Variants in TOP1 observed in about 807,000 individuals in gnomAD.
TOP1 encodes the protein DNA topoisomerase I.
In TOP1, 10 loss-of-function variants were observed where a neutral mutation model predicts 111.1. The ratio of observed to expected loss-of-function variants is 0.09; its 90% CI spans 0.06 to 0.15. The LOEUF (loss-of-function observed/expected upper bound fraction) is 0.15. Among genes scored for constraint, TOP1 ranks in the 10% least tolerant of loss-of-function variants. TOP1 has a pLI of 1.00. For synonymous variants in TOP1, 271 were observed against 302.9 expected, an observed-to-expected ratio of 0.89 and a Z score of 1.10; for missense variants, 474 against 926.7, an observed-to-expected ratio of 0.51 and a Z score of 6.34.
rs1466922165 is a variant in TOP1 at position 41,084,444 on chromosome 20, C to T, written c.508-18C>T. On this transcript the variant is annotated intron_variant, in intron 7 of 20. Coordinates refer to ENST00000361337, the MANE Select transcript of TOP1 (RefSeq NM_003286.4). ...ATCAGTCTTTATTTAAGTGCTTTCT[C>T]ACCATGTTTCTTTGTAGGATGGTAA... 2 of 1,475,998 alleles carry T rather than the reference C, an allele frequency of 1.4e-6. No individual in the cohort carries two copies. The highest frequency in any genetic ancestry group is 1.8e-6 in the Non-Finnish European group (2 of 1,088,332). The allele number at this position is 1,475,998 out of a possible 1,614,324, so 91.4% of individuals were successfully genotyped here.
intron 3 of TOP1, 106 bp from the exon 4 acceptor site, chr20:41,076,065 T>C: frequency 1.7e-6 from 2 of 1,188,516 alleles, no homozygotes; most frequent in Non-Finnish European, 2.4e-6. Flanking sequence ...ACTGTTTGTT[T>C]AAGTACTGTA....
Position 41,118,139 on chromosome 20 carries a change from C to A in TOP1, c.1823-30C>A, listed in dbSNP as rs780722876. The stretch of plus-strand genomic sequence containing the variant: ...GTTCACTTTTGGTGTACAAACTGAC[C>A]CTCTTGCTACCATGTTCCTTTCTTT... On this transcript the variant is annotated intron_variant, in intron 17 of 20. Transcript: ENST00000361337. The surrounding 1 kb of genome is among the most constrained non-coding windows in gnomAD (Gnocchi z 4.6). The A allele has an allele frequency of 6.2e-7, 1 of 1,605,926 alleles. No individual in the cohort carries two copies. Among genetic ancestry groups the A allele is most frequent in the East Asian group, 2.2e-5 (1 of 44,694 alleles).
chr20:41,105,708 G>C (rs1313813499), intron 13 of TOP1, among the ~76,000 whole-genome samples: 1 of 152,160 alleles, frequency 6.6e-6, no homozygotes, highest in Non-Finnish European at 1.5e-5. Context: ...ATGTTGGCCA[G>C]GCTGGTCTTG....
Position 41,101,060 on chromosome 20 carries a change from A to ACTTACCCTCAT in TOP1, c.1164-149_1164-148insCTTACCCTCAT. 1.4e-6 allele frequency: 1 copy of ACTTACCCTCAT among 703,762 alleles called. No individual in the cohort carries two copies. Among genetic ancestry groups the ACTTACCCTCAT allele is most frequent in the Non-Finnish European group, 2.4e-6 (1 of 424,912 alleles). 43.6% of individuals were successfully genotyped at this position (703,762 alleles called of 1,614,324 possible). Reference sequence around the variant, plus strand: ...GGATGACAGTTGGCTGAGGGTAAGTAAAACCATGCATAAGGTGGGACTACT... The same window carrying ACTTACCCTCAT: ...GGATGACAGTTGGCTGAGGGTAAGTACTTACCCTCATAAACCATGCATAAGGTGGGACTACT... On this transcript the variant is annotated intron_variant, in intron 12 of 20. Coordinates refer to ENST00000361337, the MANE Select transcript of TOP1 (RefSeq NM_003286.4). This position sits in a 1 kb window ranked among gnomAD's most constrained non-coding sequence, Gnocchi z 4.1.
At chr20:41,051,006 GATAA>G (rs1239374494) in intron 2 of TOP1, among the ~76,000 whole-genome samples, 2 of 152,126 alleles carry the variant, frequency 1.3e-5, no homozygotes, top group African/African-American at 2.4e-5. Flanking sequence ...ATAATGAGGT[GATAA>G]ATATTTTCTT....
chr20:41,092,784 A>T lies in TOP1; in HGVS notation c.730+197A>T, dbSNP rs550516011. Among the ~76,000 whole-genome samples, 6 of 152,298 alleles carry T rather than the reference A, an allele frequency of 3.9e-5. No individual in the cohort carries two copies. In the East Asian group the frequency reaches 1.2e-3, roughly 29 times the overall value. ...TTTGCTGCTGAAAAAGTGCCATGGA[A>T]AAGGGGCTATTCATGTCTTCCCTAC... is the stretch of plus-strand genomic sequence containing the variant. On this transcript the variant is annotated intron_variant, in intron 9 of 20. Coordinates refer to ENST00000361337, the MANE Select transcript of TOP1 (RefSeq NM_003286.4). The surrounding 1 kb of genome is among the most constrained non-coding windows in gnomAD (Gnocchi z 4.3).
At chr20:41,111,747 C>T (rs1490826102) in intron 13 of TOP1, among the ~76,000 whole-genome samples, 1 of 152,082 alleles carries the variant, frequency 6.6e-6, no homozygotes, top group Non-Finnish European at 1.5e-5. Flanking sequence ...CTACCACTTT[C>T]CTTTGTTGCG....
At chr20:41,072,661 A>G in intron 3 of TOP1, 1 of 985,388 alleles carries the variant, frequency 1.0e-6, no homozygotes, top group Non-Finnish European at 1.2e-6. Context: ...TTTGGGGGTT[A>G]TGGATGCCAG....
At chr20:41,039,880 C>T (rs546781936) in intron 2 of TOP1, among the ~76,000 whole-genome samples, 22 of 152,090 alleles carry the variant, frequency 1.4e-4, no homozygotes, top group Non-Finnish European at 5.9e-5. Flanking sequence ...GCACTCCAGC[C>T]TGGGCGTCAG....
chr20:41,033,347 C>CAAA (rs34731706), intron 2 of TOP1, among the ~76,000 whole-genome samples: 1 of 100,880 alleles, frequency 9.9e-6, no homozygotes, highest in African/African-American at 3.8e-5. Context: ...CCAATAGCAG[C>CAAA]AAAAAAAAAA....
intron 2 of TOP1, among the ~76,000 whole-genome samples, chr20:41,050,795 G>GT (rs898234752): frequency 4.6e-5 from 7 of 152,184 alleles, no homozygotes; most frequent in African/African-American, 1.4e-4. Context: ...CTGGATGCCA[G>GT]TTTTTTATCA....
At chr20:41,081,647 G>A (rs1055199029) in intron 7 of TOP1, among the ~76,000 whole-genome samples, 1 of 152,162 alleles carries the variant, frequency 6.6e-6, no homozygotes, top group African/African-American at 2.4e-5. Flanking sequence ...CCTATCTAAA[G>A]TTCTTTAATG....
At position 41,078,646 on chromosome 20, in the gene TOP1, C is replaced by T. The variant is rs1461406152; in HGVS notation, c.335+1009C>T. Among the ~76,000 whole-genome samples the T allele has an allele frequency of 1.3e-5, 2 of 152,196 alleles. No homozygotes were observed. Among genetic ancestry groups the T allele is most frequent in the African/African-American group, 2.4e-5 (1 of 41,452 alleles). On this transcript the variant is annotated intron_variant, in intron 5 of 20. Transcript: ENST00000361337. The surrounding 1 kb of genome is among the most constrained non-coding windows in gnomAD (Gnocchi z 5.3). ...CTGAGATAAAGTGACTGAGGAGGCA[C>T]TGCTGGGCTAATCTCTGCCAAGAGA...
At position 41,113,869 on chromosome 20, in the gene TOP1, G is replaced by A. The variant is rs1207890852; in HGVS notation, c.1453-101G>A. On this transcript the variant is annotated intron_variant, in intron 14 of 20. Coordinates refer to ENST00000361337, the MANE Select transcript of TOP1 (RefSeq NM_003286.4). Reference sequence around the variant, plus strand: ...TTGCACTCTAGCCTGGCGACAGAGCGAGACTGTCTCAAAAAAAAAAAAAAA... The same window carrying A: ...TTGCACTCTAGCCTGGCGACAGAGCAAGACTGTCTCAAAAAAAAAAAAAAA... 2.1e-4 allele frequency: 209 copies of A among 983,486 alleles called. 1 individual carries two copies. The South Asian group carries it at 3.3e-3, about 16-fold the overall frequency. 60.9% of individuals were successfully genotyped at this position (983,486 alleles called of 1,614,324 possible). A position where few individuals can be genotyped will look rare whatever the true frequency, so the allele number is the denominator to read the frequency against.
intron 3 of TOP1, chr20:41,073,469 G>T: frequency 2.0e-6 from 2 of 984,950 alleles, no homozygotes; most frequent in Non-Finnish European, 2.4e-6. Flanking sequence ...CTTTATTCTA[G>T]AAAGTTTCTC....
Position 41,081,177 on chromosome 20 carries a change from A to G in TOP1, c.444A>G (p.Lys148=). The part of the protein sequence containing the change: ...RPRDEDDADY[K]PKKIKTEDTK... ...TTCCCCTTTCTAGTGCTGATTATAA[A>G]CCTAAGAAAATTAAAACAGAAGATA... The change falls in exon 7 of 21, where the codon AAA becomes AAG. Residue 148 remains lysine, a synonymous_variant. Coordinates refer to ENST00000361337, the MANE Select transcript of TOP1 (RefSeq NM_003286.4). The G allele has an allele frequency of 6.3e-7, 1 of 1,598,884 alleles. No homozygotes were observed. Among genetic ancestry groups the G allele is most frequent in the Non-Finnish European group, 8.5e-7 (1 of 1,169,738 alleles).
At chr20:41,053,855 T>C (rs531903101) in intron 2 of TOP1, among the ~76,000 whole-genome samples, 3 of 152,340 alleles carry the variant, frequency 2.0e-5, no homozygotes, top group African/African-American at 4.8e-5. Context: ...TTTCTCTAGA[T>C]ACACCTTGGA....
rs545629902 is a variant in TOP1 at position 41,121,013 on chromosome 20, A to C, written c.1951-683A>C. ...TCCTCAGCCTCCCCAAAGTGCTGGG[A>C]TTACAGGCGTGAGACACCGCGCCTG... On this transcript the variant is annotated intron_variant, in intron 18 of 20. Coordinates refer to ENST00000361337, the MANE Select transcript of TOP1 (RefSeq NM_003286.4). This position sits in a 1 kb window ranked among gnomAD's most constrained non-coding sequence, Gnocchi z 4.2. 1.3e-5 allele frequency among the ~76,000 whole-genome samples: 2 copies of C among 152,316 alleles called. No individual in the cohort carries two copies. Among genetic ancestry groups the C allele is most frequent in the African/African-American group, 4.8e-5 (2 of 41,564 alleles).
At chr20:41,036,790 TG>T (rs1187497544) in intron 2 of TOP1, among the ~76,000 whole-genome samples, 1 of 151,622 alleles carries the variant, frequency 6.6e-6, no homozygotes, top group Non-Finnish European at 1.5e-5. Context: ...TATCTAGGTT[TG>T]GGCTGAGAAG....
Sources: allele counts gnomAD v4.1 joint callset (sites outside exome capture counted in the v4.1 genomes callset), GRCh38; gene constraint gnomAD v4.1.1; non-coding constraint Gnocchi (gnomAD v3.1); transcripts MANE v1.5; gene names NCBI Gene and HGNC (gene_info 2026-07-23, HGNC 2026-07-21).